The following WWOX variants were observed in gnomAD, a reference collection of about 807,000 sequenced individuals.
WWOX encodes the protein WW domain containing oxidoreductase.
Under a neutral mutation model 46.2 loss-of-function variants are expected in WWOX, and 69 were observed. The observed-to-expected ratio is 1.49, with a 90% CI of 1.23 to 1.82. The LOEUF (loss-of-function observed/expected upper bound fraction) is 1.82. Among genes scored for constraint, WWOX ranks in the 40% most tolerant of loss-of-function variants. The pLI is 0.00. For missense variants in WWOX, 919 were observed against 542.6 expected (o/e 1.69, Z -6.89); for synonymous variants, 359 against 202.6 (o/e 1.77, Z -6.56).
At chr16:78,451,315 A>G (rs1030910392) in intron 8 of WWOX, among the ~76,000 whole-genome samples, 4 of 152,244 alleles carry the variant, frequency 2.6e-5, no homozygotes, top group African/African-American at 9.6e-5. Context: ...ATGAGTATAC[A>G]TTCTGCAGAA....
At chr16:78,411,752 A>C (rs2082685971) in intron 6 of WWOX, among the ~76,000 whole-genome samples, 1 of 152,220 alleles carries the variant, frequency 6.6e-6, no homozygotes, top group Non-Finnish European at 1.5e-5. Context: ...GGGCTATTGC[A>C]GTGACTACAC....
At chr16:78,920,321 C>T (rs1377577831) in intron 8 of WWOX, among the ~76,000 whole-genome samples, 1 of 152,202 alleles carries the variant, frequency 6.6e-6, no homozygotes, top group South Asian at 2.1e-4. Flanking sequence ...CTCCCCATAG[C>T]TGGAGAAGTA....
intron 8 of WWOX, among the ~76,000 whole-genome samples, chr16:78,808,712 G>C (rs1302740015): frequency 6.6e-6 from 1 of 152,222 alleles, no homozygotes; most frequent in East Asian, 1.9e-4. Context: ...TAGATTGAGT[G>C]GTTCCATATT....
At chr16:79,084,193 G>C (rs993281619) in intron 8 of WWOX, among the ~76,000 whole-genome samples, 4 of 152,174 alleles carry the variant, frequency 2.6e-5, no homozygotes, top group African/African-American at 7.2e-5. Flanking sequence ...AGGCCAGCTT[G>C]AAGAAAGATG....
intron 8 of WWOX, among the ~76,000 whole-genome samples, chr16:78,563,499 A>G (rs2044488335): frequency 7.0e-6 from 1 of 142,234 alleles, no homozygotes; most frequent in South Asian, 2.2e-4. Context: ...GAACACACAC[A>G]CACACACACA....
chr16:79,143,875 T>TACCC (rs1567579589), intron 8 of WWOX, among the ~76,000 whole-genome samples: 2 of 152,152 alleles, frequency 1.3e-5, no homozygotes, highest in Non-Finnish European at 2.9e-5. Flanking sequence ...CACCATGTTA[T>TACCC]ACCCACCCAT....
At chr16:79,189,589 C>T (rs1361521239) in intron 8 of WWOX, among the ~76,000 whole-genome samples, 1 of 152,058 alleles carries the variant, frequency 6.6e-6, no homozygotes, top group East Asian at 1.9e-4. Context: ...GCATGAGCCA[C>T]TGTGCCCAGC....
chr16:78,316,635 G>A lies in WWOX; in HGVS notation c.517-70225G>A, dbSNP rs934889543. Among the ~76,000 whole-genome samples the A allele has an allele frequency of 3.9e-5, 6 of 152,160 alleles. No individual in the cohort carries two copies. The East Asian group carries it at 1.2e-3, about 29-fold the overall frequency. On this transcript the variant is annotated intron_variant, in intron 5 of 8. Transcript: ENST00000566780. ...TGGGATTATAGGCCTGAGCCACGGT[G>A]CCTGGCCAAGTCTGTTTTTTAAATC...
intron 8 of WWOX, among the ~76,000 whole-genome samples, chr16:78,483,597 C>T (rs558536346): frequency 2.0e-5 from 3 of 152,174 alleles, no homozygotes; most frequent in Admixed American, 6.5e-5. Context: ...TAGGGATTAA[C>T]CTTTGACCCC....
chr16:78,640,559 G>A (rs76358809), intron 8 of WWOX, among the ~76,000 whole-genome samples: 8,664 of 152,172 alleles, frequency 0.057, 340 homozygotes, highest in South Asian at 0.17. Context: ...ACGTTGATCT[G>A]TACAGCAAAC....
intron 8 of WWOX, among the ~76,000 whole-genome samples, chr16:78,951,955 T>G (rs567082589): frequency 1.3e-5 from 2 of 152,302 alleles, no homozygotes; most frequent in South Asian, 2.1e-4. Flanking sequence ...TGTAGCAAAG[T>G]GATCTTTTTG....
chr16:78,755,227 G>C (rs1331062619), intron 8 of WWOX, among the ~76,000 whole-genome samples: 1 of 118,264 alleles, frequency 8.5e-6, no homozygotes, highest in Non-Finnish European at 1.8e-5. Flanking sequence ...AAAAAAAAAA[G>C]TTTCATCAAA....
intron 8 of WWOX, among the ~76,000 whole-genome samples, chr16:78,972,502 G>A (rs547312034): frequency 1.3e-5 from 2 of 151,404 alleles, no homozygotes; most frequent in African/African-American, 4.9e-5. Context: ...ACCTGAAGCC[G>A]CCAAGAGAGG....
At chr16:78,541,568 T>TGGATA (rs2043896393) in intron 8 of WWOX, among the ~76,000 whole-genome samples, 1 of 150,520 alleles carries the variant, frequency 6.6e-6, no homozygotes, top group African/African-American at 2.4e-5. Flanking sequence ...TGCTTGTCTC[T>TGGATA]GGATAGGATA....
At chr16:78,998,472 G>A (rs1271549701) in intron 8 of WWOX, among the ~76,000 whole-genome samples, 1 of 152,136 alleles carries the variant, frequency 6.6e-6, no homozygotes. Flanking sequence ...TTTTCACTGA[G>A]GGACTAAGAG....
At chr16:78,477,963 A>G (rs2084392267) in intron 8 of WWOX, among the ~76,000 whole-genome samples, 1 of 152,196 alleles carries the variant, frequency 6.6e-6, no homozygotes, top group Non-Finnish European at 1.5e-5. Context: ...CAGGGGAAAG[A>G]AAAATATAAA....
At chr16:79,165,726 T>G (rs2050580803) in intron 8 of WWOX, among the ~76,000 whole-genome samples, 2 of 152,302 alleles carry the variant, frequency 1.3e-5, no homozygotes, top group South Asian at 4.1e-4. Context: ...GTTTACTCTG[T>G]CAGGGTGAAA....
intron 8 of WWOX, among the ~76,000 whole-genome samples, chr16:78,595,095 G>T (rs1259899311): frequency 3.9e-5 from 6 of 152,352 alleles, no homozygotes; most frequent in African/African-American, 1.4e-4. Context: ...GCATGAGGCT[G>T]TGTTAGCAGA....
intron 5 of WWOX, among the ~76,000 whole-genome samples, chr16:78,361,576 GAAGA>G (rs1454610154): frequency 1.3e-5 from 2 of 152,140 alleles, no homozygotes; most frequent in Non-Finnish European, 2.9e-5. Flanking sequence ...GAATTCTTCT[GAAGA>G]AAGAGCTATC....
Sources: allele counts gnomAD v4.1 joint callset (sites outside exome capture counted in the v4.1 genomes callset), GRCh38; gene constraint gnomAD v4.1.1; transcripts MANE v1.5; gene names NCBI Gene and HGNC (gene_info 2026-07-23, HGNC 2026-07-21).